Variants in FANCC observed in about 807,000 individuals in gnomAD.
FANCC encodes FA complementation group C.
In FANCC, 55 loss-of-function variants were observed where a neutral mutation model predicts 71.3. The ratio of observed to expected loss-of-function variants is 0.77; its 90% CI spans 0.62 to 0.97. The LOEUF (loss-of-function observed/expected upper bound fraction) is 0.97. FANCC is among the 50% of genes least tolerant of loss of function. FANCC has a pLI of 0.00. For missense variants in FANCC, 678 were observed against 670.9 expected (o/e 1.01, Z -0.12); for synonymous variants, 275 against 244.9 (o/e 1.12, Z -1.15).
At chr9:95,202,688 C>T (rs780867470) in intron 4 of FANCC, among the ~76,000 whole-genome samples, 11 of 152,120 alleles carry the variant, frequency 7.2e-5, no homozygotes, top group Non-Finnish European at 1.5e-4. Flanking sequence ...GCAAGATAAA[C>T]TAAAAATAGA....
intron 7 of FANCC, among the ~76,000 whole-genome samples, chr9:95,149,505 G>A (rs184127638): frequency 1.3e-5 from 2 of 150,300 alleles, no homozygotes; most frequent in Non-Finnish European, 3.0e-5. Flanking sequence ...TTGAGATGGA[G>A]TCTCGCTCTG....
intron 1 of FANCC, among the ~76,000 whole-genome samples, chr9:95,314,160 C>T (rs1308291630): frequency 6.6e-6 from 1 of 152,060 alleles, no homozygotes; most frequent in African/African-American, 2.4e-5. Flanking sequence ...GGCATGATGC[C>T]GTATGTAGAA....
intron 1 of FANCC, among the ~76,000 whole-genome samples, chr9:95,314,527 C>T (rs1835617970): frequency 6.6e-6 from 1 of 152,008 alleles, no homozygotes; most frequent in Non-Finnish European, 1.5e-5. Flanking sequence ...TGAAGGGTGC[C>T]TGTAGTCCCA....
chr9:95,290,474 G>A (rs1169418621), intron 1 of FANCC, among the ~76,000 whole-genome samples: 2 of 152,166 alleles, frequency 1.3e-5, no homozygotes, highest in African/African-American at 4.8e-5. Context: ...AGGGATTTGA[G>A]TAGAGTAGTT....
At chr9:95,267,831 C>T (rs1346637748) in intron 1 of FANCC, among the ~76,000 whole-genome samples, 2 of 152,004 alleles carry the variant, frequency 1.3e-5, no homozygotes, top group African/African-American at 2.4e-5. Context: ...AAAAAAAAAT[C>T]AACTGCAAAG....
chr9:95,226,569 G>A (rs943605907), intron 4 of FANCC, among the ~76,000 whole-genome samples: 4 of 152,162 alleles, frequency 2.6e-5, no homozygotes, highest in African/African-American at 7.2e-5. Flanking sequence ...CCTCCCTTTC[G>A]CACATTCTAG....
intron 12 of FANCC, among the ~76,000 whole-genome samples, chr9:95,112,113 G>C (rs1333508128): frequency 1.3e-5 from 2 of 152,226 alleles, no homozygotes; most frequent in African/African-American, 4.8e-5. Flanking sequence ...CTGTCATCAT[G>C]GGTGCATCAA....
chr9:95,314,328 G>A (rs951528944), intron 1 of FANCC, among the ~76,000 whole-genome samples: 3 of 152,208 alleles, frequency 2.0e-5, no homozygotes, highest in Non-Finnish European at 4.4e-5. Context: ...TACCTGTGGA[G>A]TAGCCATTCT....
At chr9:95,199,239 C>G (rs1026718146) in intron 4 of FANCC, among the ~76,000 whole-genome samples, 1 of 151,940 alleles carries the variant, frequency 6.6e-6, no homozygotes, top group African/African-American at 2.4e-5. Context: ...AAGCCCCCCA[C>G]CTCACCCCTA....
chr9:95,167,603 T>C (rs779733428), intron 6 of FANCC, among the ~76,000 whole-genome samples: 1 of 152,226 alleles, frequency 6.6e-6, no homozygotes, highest in Non-Finnish European at 1.5e-5. Flanking sequence ...ACCCCTCTAG[T>C]AAGTTTTTCA....
At chr9:95,107,410 AT>A in intron 13 of FANCC, 141 bp from the exon 14 acceptor site, 1 of 874,030 alleles carries the variant, frequency 1.1e-6, no homozygotes, top group Non-Finnish European at 1.8e-6. Flanking sequence ...CAGCGGCCGA[AT>A]TTACACTCGA....
intron 4 of FANCC, among the ~76,000 whole-genome samples, chr9:95,230,820 C>G (rs1829962944): frequency 6.6e-6 from 1 of 152,154 alleles, no homozygotes. Context: ...CCGCCCACAT[C>G]CTGCTGATTA....
chr9:95,199,861 G>A (rs1428507724), intron 4 of FANCC, among the ~76,000 whole-genome samples: 2 of 152,100 alleles, frequency 1.3e-5, no homozygotes, highest in East Asian at 3.9e-4. Flanking sequence ...CTATACAACA[G>A]AGAGGACATT....
At chr9:95,136,865 AC>A (rs1478261816) in intron 7 of FANCC, among the ~76,000 whole-genome samples, 38 of 152,280 alleles carry the variant, frequency 2.5e-4, no homozygotes, top group African/African-American at 8.7e-4. Context: ...TTGGGGCTCC[AC>A]TTCCCCTCCC....
chr9:95,177,322 C>T (rs1826071322), intron 4 of FANCC, among the ~76,000 whole-genome samples: 1 of 152,144 alleles, frequency 6.6e-6, no homozygotes, highest in Non-Finnish European at 1.5e-5. Flanking sequence ...AATGGTACAC[C>T]TGTATAGGAC....
At chr9:95,111,759 C>A (rs2071955215) in intron 12 of FANCC, 122 bp from the exon 13 acceptor site, 1 of 1,086,626 alleles carries the variant, frequency 9.2e-7, no homozygotes, top group Non-Finnish European at 1.4e-6. Flanking sequence ...TGAAGTGCAA[C>A]CTGCAAGGAA....
At chr9:95,140,703 T>G (rs920525581) in intron 7 of FANCC, among the ~76,000 whole-genome samples, 24 of 152,110 alleles carry the variant, frequency 1.6e-4, no homozygotes, top group African/African-American at 5.8e-4. Flanking sequence ...CTCACAAAAC[T>G]TGGATTTAAC....
At chr9:95,147,518 A>AAAAAG (rs936148340) in intron 7 of FANCC, among the ~76,000 whole-genome samples, 3 of 152,226 alleles carry the variant, frequency 2.0e-5, no homozygotes, top group Non-Finnish European at 2.9e-5. Flanking sequence ...CTCTGTCTCA[A>AAAAAG]AAAAGAAAAG....
intron 4 of FANCC, among the ~76,000 whole-genome samples, chr9:95,181,165 G>GTGTT (rs1826338057): frequency 2.4e-5 from 1 of 41,652 alleles, no homozygotes; most frequent in Non-Finnish European, 4.5e-5. Flanking sequence ...CACATTGTGT[G>GTGTT]TGTGTGTGTG....
Sources: gnomAD v4.1 joint callset for allele counts (sites outside exome capture counted in the v4.1 genomes callset) on GRCh38, gnomAD v4.1.1 for gene constraint, MANE v1.5 for transcripts, NCBI Gene and HGNC (gene_info 2026-07-23, HGNC 2026-07-21) for gene names.